Variants in CCDC92 observed in about 807,000 individuals in gnomAD.
The protein encoded by CCDC92 is coiled-coil domain-containing protein 92.
A neutral mutation model predicts 24.9 loss-of-function variants in CCDC92; 12 were observed. The ratio of observed to expected loss-of-function variants is 0.48; its 90% confidence interval spans 0.31 to 0.78. CCDC92 has a LOEUF of 0.78. Ranked by LOEUF, CCDC92 falls within the 30% of genes least tolerant of loss-of-function variation. CCDC92 has a pLI of 0.05. For synonymous variants in CCDC92, 193 were observed against 196.3 expected (o/e 0.98, Z 0.14); for missense variants, 399 against 439.4 (o/e 0.91, Z 0.82).
chr12:123,943,077 G>A (rs1394485055), intron 3 of CCDC92, among the ~76,000 whole-genome samples: 2 of 152,130 alleles, frequency 1.3e-5, no homozygotes, highest in African/African-American at 4.8e-5. Context: ...GTATCACACA[G>A]GCTATATCTT....
intron 1 of CCDC92, among the ~76,000 whole-genome samples, chr12:123,951,782 G>A (rs747034328): frequency 6.6e-6 from 1 of 152,194 alleles, no homozygotes; most frequent in Non-Finnish European, 1.5e-5. Flanking sequence ...ATGAAGGCTG[G>A]CCAGAGAACA....
intron 4 of CCDC92, among the ~76,000 whole-genome samples, chr12:123,940,493 C>T (rs1048094886): frequency 2.6e-5 from 4 of 152,174 alleles, no homozygotes; most frequent in South Asian, 2.1e-4. Flanking sequence ...GGAGCTGGTA[C>T]GACTGCTCCT....
At position 123,935,847 on chromosome 12, in the gene CCDC92, G is replaced by T. The variant is rs1594433947; in HGVS notation, c.*1211C>A. ...CCAAAGGTGTGTTTTCGATGATCCA[G>T]GTCTGTTTCAGCAGATGCTCCTTTT... On this transcript the variant is annotated 3_prime_UTR_variant, in exon 5 of 5. Transcript: ENST00000238156. 1 of 177,818 alleles carries T rather than the reference G, an allele frequency of 5.6e-6. No homozygotes were observed. The highest frequency in any genetic ancestry group is 1.5e-4 in the South Asian group (1 of 6,630). 11.0% of individuals were successfully genotyped at this position (177,818 alleles called of 1,614,324 possible).
At chr12:123,953,390 C>G (rs1222998002) in intron 1 of CCDC92, among the ~76,000 whole-genome samples, 8 of 114,286 alleles carry the variant, frequency 7.0e-5, no homozygotes. Flanking sequence ...GGTAATATGT[C>G]TATGATAGGT....
At position 123,937,797 on chromosome 12, in the gene CCDC92, T is replaced by C; in HGVS notation, c.257A>G (p.Lys86Arg). The C allele has an allele frequency of 6.2e-7, 1 of 1,611,850 alleles. No homozygotes were observed. Among genetic ancestry groups the C allele is most frequent in the Non-Finnish European group, 8.5e-7 (1 of 1,179,724 alleles). The change falls in exon 5 of 5, where the codon AAA (lysine) becomes AGA (arginine). Residue 86 changes from lysine to arginine, a missense_variant. Physicochemically the swap from Lys to Arg is conservative, Grantham distance 26. Transcript: ENST00000238156. The surrounding 1 kb of genome is among the most constrained non-coding windows in gnomAD (Gnocchi z 8.4). ...TTGGGCTTCCAGCTCTTCACATCTT[T>C]TCTTTAATTCACTGCTTTTAGAAGT... The part of the protein sequence containing the change: ...DGTSKSSELK[K>R]RCEELEAQLK...
chr12:123,945,683 G>C (rs1955826526), intron 1 of CCDC92: 1 of 152,236 alleles, frequency 6.6e-6, no homozygotes, highest in Non-Finnish European at 1.5e-5. Flanking sequence ...GTTCACTCTG[G>C]CATCAATTCC....
intron 1 of CCDC92, chr12:123,972,119 CG>C (rs1956563842): frequency 1.3e-5 from 2 of 152,162 alleles, no homozygotes; most frequent in African/African-American, 4.8e-5. Context: ...GCCCCGGGAC[CG>C]GCCTCTCCTC....
intron 1 of CCDC92, among the ~76,000 whole-genome samples, chr12:123,954,774 G>A (rs906933759): frequency 3.9e-5 from 6 of 152,222 alleles, no homozygotes; most frequent in African/African-American, 1.4e-4. Flanking sequence ...TGTGTCGTGT[G>A]GTGCCTTCTG....
chr12:123,943,140 T>TTAAG (rs1955739213), intron 3 of CCDC92, among the ~76,000 whole-genome samples: 1 of 152,262 alleles, frequency 6.6e-6, no homozygotes, highest in South Asian at 2.1e-4. Context: ...TTTTAATCTC[T>TTAAG]TAAGTCCTCA....
intron 1 of CCDC92, among the ~76,000 whole-genome samples, chr12:123,953,677 C>G (rs189125119): frequency 2.9e-4 from 44 of 152,336 alleles, no homozygotes; most frequent in Non-Finnish European, 6.2e-4. Context: ...ACTCGGGAGG[C>G]TGAGGCAGGA....
intron 1 of CCDC92, chr12:123,944,853 G>C: frequency 6.6e-6 from 1 of 151,426 alleles, no homozygotes; most frequent in Non-Finnish European, 1.5e-5. Flanking sequence ...TTTCAGTTGG[G>C]GACAAAAACT....
chr12:123,965,155 T>G (rs936871509), intron 1 of CCDC92, among the ~76,000 whole-genome samples: 1 of 152,236 alleles, frequency 6.6e-6, no homozygotes, highest in African/African-American at 2.4e-5. Flanking sequence ...TGATAACATT[T>G]GAAAACTACA....
At chr12:123,939,033 A>G (rs1955607684) in intron 4 of CCDC92, among the ~76,000 whole-genome samples, 1 of 152,212 alleles carries the variant, frequency 6.6e-6, no homozygotes, top group Admixed American at 6.5e-5. Flanking sequence ...AATAAAACCC[A>G]AACTGCCAGA....
intron 1 of CCDC92, among the ~76,000 whole-genome samples, chr12:123,965,457 G>C (rs538133612): frequency 2.6e-5 from 4 of 152,172 alleles, no homozygotes; most frequent in Non-Finnish European, 5.9e-5. Flanking sequence ...TTCCTGTCTT[G>C]ACTATGGACA....
chr12:123,946,978 G>T (rs1955888450), intron 1 of CCDC92, among the ~76,000 whole-genome samples: 1 of 152,152 alleles, frequency 6.6e-6, no homozygotes, highest in Non-Finnish European at 1.5e-5. Flanking sequence ...GCTGCGTGCG[G>T]CGGCGCTTGC....
chr12:123,964,066 G>C (rs1471569264), intron 1 of CCDC92, among the ~76,000 whole-genome samples: 1 of 152,164 alleles, frequency 6.6e-6, no homozygotes, highest in Non-Finnish European at 1.5e-5. Flanking sequence ...GCCATAATTT[G>C]AACTTTGTAA....
chr12:123,945,086 C>G (rs1955805241), intron 1 of CCDC92: 2 of 152,114 alleles, frequency 1.3e-5, no homozygotes, highest in African/African-American at 2.4e-5. Context: ...TTGGAAAAGA[C>G]TAGAAACAAA....
chr12:123,937,508 C>T lies in CCDC92; in HGVS notation c.546G>A (p.Gly182=). 6.2e-7 allele frequency: 1 copy of T among 1,612,474 alleles called. No homozygotes were observed. Among genetic ancestry groups the T allele is most frequent in the Non-Finnish European group, 8.5e-7 (1 of 1,180,006 alleles). The part of the protein sequence containing the change: ...SSGTSDASPS[G]SPVLASYKPA... ...GCTTGTAGCTGGCCAGCACGGGGCT[C>T]CCTGACGGGCTGGCATCTGAGGTCC... The change falls in exon 5 of 5, where the codon GGG becomes GGA. Residue 182 remains glycine (G), a synonymous_variant. Coordinates refer to ENST00000238156, the MANE Select transcript of CCDC92 (RefSeq NM_025140.3). The surrounding 1 kb of genome is among the most constrained non-coding windows in gnomAD (Gnocchi z 8.4).
chr12:123,958,738 T>C (rs1403212772), intron 1 of CCDC92, among the ~76,000 whole-genome samples: 1 of 152,158 alleles, frequency 6.6e-6, no homozygotes, highest in East Asian at 1.9e-4. Flanking sequence ...CTCACACCGC[T>C]CTAGGATAGG....
Sources: gnomAD v4.1 joint callset for allele counts (sites outside exome capture counted in the v4.1 genomes callset) on GRCh38, gnomAD v4.1.1 for gene constraint, Gnocchi (gnomAD v3.1) non-coding constraint, MANE v1.5 for transcripts, NCBI Gene and HGNC (gene_info 2026-07-23, HGNC 2026-07-21) for gene names.